The following BTBD9 variants were observed in gnomAD, a reference collection of about 807,000 sequenced individuals.
BTBD9 encodes BTB domain containing 9, also known as BTB/POZ domain-containing protein 9.
Under a neutral mutation model 64.3 loss-of-function variants are expected in BTBD9, and 49 were observed. The ratio of observed to expected loss-of-function variants is 0.76; its 90% CI spans 0.61 to 0.97. The LOEUF is 0.97. BTBD9 is among the 50% of genes least tolerant of loss of function. The probability of loss-of-function intolerance (pLI) is 0.00; values close to 1 mark genes in which losing one functional copy is unlikely to be tolerated. For missense variants in BTBD9, 598 were observed against 762.1 expected, an observed-to-expected ratio of 0.78 and a Z score of 2.53; for synonymous variants, 260 against 274.7, an observed-to-expected ratio of 0.95 and a Z score of 0.53.
chr6:38,402,760 A>G, intron 6 of BTBD9: 1 of 698,886 alleles, frequency 1.4e-6, no homozygotes, highest in Non-Finnish European at 2.6e-6. Flanking sequence ...ATTAGGCAAC[A>G]ATTTCTTAGC....
intron 1 of BTBD9, among the ~76,000 whole-genome samples, chr6:38,638,238 T>C (rs549042461): frequency 2.0e-5 from 3 of 152,326 alleles, no homozygotes; most frequent in African/African-American, 7.2e-5. Context: ...TACCTGCTAC[T>C]TAACTTGGTT....
At chr6:38,469,309 CTTTTTTTTTTTCCT>C (rs1293036019) in intron 6 of BTBD9, among the ~76,000 whole-genome samples, 1 of 136,528 alleles carries the variant, frequency 7.3e-6, no homozygotes, top group Non-Finnish European at 1.6e-5. Context: ...CCCACTCTCT[CTTTTTTTTTTTCCT>C]TTTTTTTTTT....
rs1157324453 is a variant in BTBD9 at position 38,465,707 on chromosome 6, TTATATATATATATATATATATA to T, written c.1154+111871_1154+111892del. ...ATCTCTAAATAAATAAATAAATAAA[TTATATATATATATATATATATA>T]TATATATATATATATATATATATAT... On this transcript the variant is annotated intron_variant, in intron 6 of 10. Transcript: ENST00000481247. 3.1e-3 allele frequency among the ~76,000 whole-genome samples: 146 copies of T among 46,852 alleles called. 2 individuals are homozygous for T. Among genetic ancestry groups the T allele is most frequent in the African/African-American group, 4.6e-3 (49 of 10,598 alleles). The allele number at this position is 46,852 out of a possible 152,430, so 30.7% of individuals were successfully genotyped here.
intron 6 of BTBD9, among the ~76,000 whole-genome samples, chr6:38,429,767 C>G (rs1768356006): frequency 6.6e-6 from 1 of 151,952 alleles, no homozygotes; most frequent in African/African-American, 2.4e-5. Flanking sequence ...ATTGCTAGTT[C>G]TAGAATGACT....
intron 6 of BTBD9, among the ~76,000 whole-genome samples, chr6:38,407,546 G>C (rs1302928284): frequency 6.6e-6 from 1 of 152,020 alleles, no homozygotes; most frequent in Non-Finnish European, 1.5e-5. Flanking sequence ...GAGTCTAGCT[G>C]GGGTTTTGAA....
At position 38,180,029 on chromosome 6, in the gene BTBD9, T is replaced by C. The variant is rs537786647; in HGVS notation, c.1642-4847A>G. The stretch of plus-strand genomic sequence containing the variant: ...TGGAGCAGTGTGCCTGCCTCAGTCA[T>C]CTCTGTTGATGATTTAAGCCTAGCA... On this transcript the variant is annotated intron_variant, in intron 10 of 10. Transcript: ENST00000481247. 4.6e-5 allele frequency among the ~76,000 whole-genome samples: 7 copies of C among 152,318 alleles called. No individual in the cohort carries two copies. In the South Asian group the frequency reaches 8.3e-4, roughly 18 times the overall value.
At chr6:38,468,879 G>A (rs796664691) in intron 6 of BTBD9, among the ~76,000 whole-genome samples, 8 of 152,132 alleles carry the variant, frequency 5.3e-5, no homozygotes, top group African/African-American at 1.9e-4. Context: ...CTCTCTCTGA[G>A]CAAAGCTTCT....
At chr6:38,638,575 G>A (rs1042687305) in intron 1 of BTBD9, among the ~76,000 whole-genome samples, 6 of 152,204 alleles carry the variant, frequency 3.9e-5, no homozygotes, top group South Asian at 2.1e-4. Context: ...GTGGAGGGAG[G>A]AAGACACTTT....
chr6:38,497,365 T>C (rs1772002699), intron 6 of BTBD9, among the ~76,000 whole-genome samples: 1 of 152,198 alleles, frequency 6.6e-6, no homozygotes, highest in South Asian at 2.1e-4. Context: ...TTCTCTAATG[T>C]AGGTCCCAAG....
intron 6 of BTBD9, among the ~76,000 whole-genome samples, chr6:38,561,826 T>C (rs1262980153): frequency 6.6e-6 from 1 of 152,140 alleles, no homozygotes; most frequent in Admixed American, 6.6e-5. Flanking sequence ...TATTGGGTAC[T>C]ATGCTCACTA....
Position 38,177,625 on chromosome 6 carries a change from C to G in BTBD9, c.1642-2443G>C, listed in dbSNP as rs115036120. On this transcript the variant is annotated intron_variant, in intron 10 of 10. Transcript: ENST00000481247. ...CAGGGCGGGTCTCTGCTCCGCACTG[C>G]GCTGGTAAGAGCCTGGGAAGAGATG... Among the ~76,000 whole-genome samples the G allele has an allele frequency of 4.3e-3, 653 of 152,332 alleles. 2 individuals carry two copies. Among genetic ancestry groups the G allele is most frequent in the African/African-American group, 0.014 (599 of 41,574 alleles).
intron 6 of BTBD9, among the ~76,000 whole-genome samples, chr6:38,412,647 T>C (rs183496211): frequency 4.7e-5 from 7 of 150,194 alleles, no homozygotes; most frequent in Admixed American, 2.7e-4. Flanking sequence ...TCAAACGAGG[T>C]CAGGAGTTTG....
rs73422817 is a variant in BTBD9 at position 38,304,139 on chromosome 6, C to T, written c.1265-15678G>A. On this transcript the variant is annotated intron_variant, in intron 7 of 10. Coordinates refer to ENST00000481247, the MANE Select transcript of BTBD9 (RefSeq NM_001099272.2). ...TCAGTGATATATATGCATATGGATA[C>T]GTGTATATCAGTGAAATCTACCCCA... Among the ~76,000 whole-genome samples the T allele has an allele frequency of 3.7e-3, 564 of 151,526 alleles. 2 individuals are homozygous for T. The highest frequency in any genetic ancestry group is 0.013 in the African/African-American group (540 of 41,352).
At chr6:38,458,855 C>CA (rs748656191) in intron 6 of BTBD9, among the ~76,000 whole-genome samples, 4 of 151,902 alleles carry the variant, frequency 2.6e-5, no homozygotes, top group Non-Finnish European at 5.9e-5. Context: ...TGAGAATACA[C>CA]AAAAAATTTA....
chr6:38,442,465 A>T (rs974575991), intron 6 of BTBD9, among the ~76,000 whole-genome samples: 1 of 151,936 alleles, frequency 6.6e-6, no homozygotes, highest in Non-Finnish European at 1.5e-5. Context: ...GCGAGACTTC[A>T]TCTCAAAAAA....
chr6:38,527,416 C>T (rs2127425855), intron 6 of BTBD9, among the ~76,000 whole-genome samples: 1 of 151,906 alleles, frequency 6.6e-6, no homozygotes, highest in East Asian at 1.9e-4. Context: ...CCCCACATGT[C>T]AAGGGAGGGA....
chr6:38,223,817 A>C (rs949234758), intron 9 of BTBD9, among the ~76,000 whole-genome samples: 3 of 150,262 alleles, frequency 2.0e-5, no homozygotes, highest in Admixed American at 1.3e-4. Context: ...CAGCCTTAAC[A>C]TCTTCCCTAA....
At chr6:38,312,263 T>C (rs570357616) in intron 7 of BTBD9, among the ~76,000 whole-genome samples, 1 of 152,358 alleles carries the variant, frequency 6.6e-6, no homozygotes, top group East Asian at 1.9e-4. Context: ...TATTTGATTG[T>C]TTTCCCTATA....
intron 9 of BTBD9, among the ~76,000 whole-genome samples, chr6:38,248,037 A>G (rs1486617230): frequency 2.0e-5 from 3 of 152,180 alleles, no homozygotes; most frequent in Non-Finnish European, 4.4e-5. Context: ...GTAATCCCTT[A>G]TACAAAGTCG....
Sources: gnomAD v4.1 joint callset for allele counts (sites outside exome capture counted in the v4.1 genomes callset) on GRCh38, gnomAD v4.1.1 for gene constraint, MANE v1.5 for transcripts, NCBI Gene and HGNC (gene_info 2026-07-23, HGNC 2026-07-21) for gene names.